Variants in NRXN1 observed in about 807,000 individuals in gnomAD.
NRXN1 encodes the protein neurexin 1.
NRXN1 carries 39 observed loss-of-function variants against 150.9 expected under a neutral mutation model. The ratio of observed to expected loss-of-function variants is 0.26; its 90% CI spans 0.20 to 0.34. The LOEUF is 0.34. Among genes scored for constraint, NRXN1 ranks in the 10% least tolerant of loss-of-function variants. The probability of loss-of-function intolerance (pLI) is 1.00; values close to 1 mark genes in which losing one functional copy is unlikely to be tolerated. For missense variants in NRXN1, 1,815 were observed against 1,949.9 expected, an observed-to-expected ratio of 0.93 and a Z score of 1.30; for synonymous variants, 924 against 757.0, an observed-to-expected ratio of 1.22 and a Z score of -3.62.
At chr2:50,167,000 G>A (rs966624329) in intron 18 of NRXN1, among the ~76,000 whole-genome samples, 17 of 152,272 alleles carry the variant, frequency 1.1e-4, no homozygotes, top group African/African-American at 3.6e-4. Context: ...TTTACTCATA[G>A]GCTGATGGCA....
At chr2:50,473,723 G>C (rs1235681622) in intron 15 of NRXN1, among the ~76,000 whole-genome samples, 2 of 151,952 alleles carry the variant, frequency 1.3e-5, no homozygotes, top group African/African-American at 4.8e-5. Flanking sequence ...CACGAGACTT[G>C]GGAACAAGGA....
intron 17 of NRXN1, among the ~76,000 whole-genome samples, chr2:50,323,973 G>T (rs1028082638): frequency 6.6e-6 from 1 of 152,170 alleles, no homozygotes; most frequent in Non-Finnish European, 1.5e-5. Context: ...TTTTGAGGTA[G>T]GTAGCAGATA....
At chr2:50,180,498 C>T (rs1273332748) in intron 18 of NRXN1, among the ~76,000 whole-genome samples, 1 of 152,042 alleles carries the variant, frequency 6.6e-6, no homozygotes, top group African/African-American at 2.4e-5. Flanking sequence ...GAGATGGTGT[C>T]TAATGGGAGG....
intron 5 of NRXN1, among the ~76,000 whole-genome samples, chr2:50,681,617 T>TA (rs1301793058): frequency 6.6e-6 from 1 of 152,206 alleles, no homozygotes; most frequent in East Asian, 1.9e-4. Flanking sequence ...TAATCTGAAG[T>TA]AATATTCTAG....
chr2:50,937,916 G>C (rs541244320), intron 2 of NRXN1, among the ~76,000 whole-genome samples: 30 of 152,216 alleles, frequency 2.0e-4, no homozygotes, highest in Middle Eastern at 3.4e-3. Flanking sequence ...AACCTGGATG[G>C]TATGGCCTAC....
chr2:50,641,243 T>G (rs1404601451), intron 5 of NRXN1, among the ~76,000 whole-genome samples: 3 of 152,184 alleles, frequency 2.0e-5, no homozygotes, highest in Non-Finnish European at 4.4e-5. Flanking sequence ...AAGGCTTTAA[T>G]ACATTTTTGC....
chr2:50,894,541 T>C (rs1329435819), intron 5 of NRXN1, among the ~76,000 whole-genome samples: 1 of 151,934 alleles, frequency 6.6e-6, no homozygotes, highest in Admixed American at 6.6e-5. Flanking sequence ...CACAAAGAAA[T>C]AGTTGAAATT....
chr2:50,055,138 T>A (rs1473880724), intron 19 of NRXN1, 94 bp from the exon 20 acceptor site: 8 of 781,918 alleles, frequency 1.0e-5, no homozygotes, highest in Non-Finnish European at 1.6e-5. Flanking sequence ...AGTTGCCACA[T>A]GATTTTTTGA....
At chr2:50,835,003 CAG>C (rs1671915755) in intron 5 of NRXN1, among the ~76,000 whole-genome samples, 1 of 152,116 alleles carries the variant, frequency 6.6e-6, no homozygotes, top group Non-Finnish European at 1.5e-5. Flanking sequence ...TCTTTCATAT[CAG>C]AAAGGCAAAG....
At chr2:50,773,746 A>C (rs1703279484) in intron 5 of NRXN1, among the ~76,000 whole-genome samples, 1 of 152,136 alleles carries the variant, frequency 6.6e-6, no homozygotes, top group South Asian at 2.1e-4. Flanking sequence ...AATGAAAGGG[A>C]AGGTTTCCAG....
intron 5 of NRXN1, among the ~76,000 whole-genome samples, chr2:50,830,646 T>G (rs1340757468): frequency 6.6e-6 from 1 of 151,342 alleles, no homozygotes; most frequent in African/African-American, 2.4e-5. Flanking sequence ...TTCCCTGTTC[T>G]GTCAGAACTT....
At chr2:50,313,710 T>C (rs1480869022) in intron 17 of NRXN1, among the ~76,000 whole-genome samples, 1 of 152,094 alleles carries the variant, frequency 6.6e-6, no homozygotes, top group Non-Finnish European at 1.5e-5. Flanking sequence ...AAAGCATAAA[T>C]GATGGGAATC....
At chr2:50,387,271 G>A (rs1428574166) in intron 17 of NRXN1, among the ~76,000 whole-genome samples, 1 of 152,116 alleles carries the variant, frequency 6.6e-6, no homozygotes, top group Non-Finnish European at 1.5e-5. Context: ...TCCTCACAAA[G>A]TTTAAAATAT....
At chr2:50,905,009 T>C (rs1683473312) in intron 5 of NRXN1, among the ~76,000 whole-genome samples, 1 of 152,146 alleles carries the variant, frequency 6.6e-6, no homozygotes, top group Admixed American at 6.6e-5. Context: ...TTATCTACTT[T>C]GTGATTTGTC....
intron 2 of NRXN1, among the ~76,000 whole-genome samples, chr2:50,972,947 A>G (rs1695249209): frequency 6.6e-6 from 1 of 152,240 alleles, no homozygotes; most frequent in African/African-American, 2.4e-5. Context: ...CCCCTGTGCA[A>G]GGCACAAAGT....
At chr2:49,945,966 G>C (rs1387432314) in intron 21 of NRXN1, among the ~76,000 whole-genome samples, 3 of 152,186 alleles carry the variant, frequency 2.0e-5, no homozygotes, top group African/African-American at 4.8e-5. Context: ...TCACCACACT[G>C]TCTTCCACAA....
At chr2:50,345,264 G>C (rs1274567764) in intron 17 of NRXN1, among the ~76,000 whole-genome samples, 1 of 152,156 alleles carries the variant, frequency 6.6e-6, no homozygotes, top group Non-Finnish European at 1.5e-5. Flanking sequence ...AAGAGGGCTT[G>C]CTAGGGGACT....
chr2:50,529,188 G>T lies in NRXN1; in HGVS notation c.2348-537C>A, dbSNP rs534706327. Among the ~76,000 whole-genome samples, 5 of 152,228 alleles carry T rather than the reference G, an allele frequency of 3.3e-5. No individual in the cohort carries two copies. The South Asian group carries it at 1.0e-3, about 32-fold the overall frequency. On this transcript the variant is annotated intron_variant, in intron 11 of 22. Transcript: ENST00000401669. ...TTTGTTTTTAAATTTTATTTGCTTG[G>T]GCATAAAAAGGTAACTGCCAGATGT... is the stretch of plus-strand genomic sequence containing the variant.
chr2:50,241,769 T>C (rs935579795), intron 17 of NRXN1, among the ~76,000 whole-genome samples: 4 of 151,806 alleles, frequency 2.6e-5, no homozygotes, highest in African/African-American at 9.7e-5. Context: ...TATTTACATA[T>C]AGGGCTCTCT....
Sources: allele counts gnomAD v4.1 joint callset (sites outside exome capture counted in the v4.1 genomes callset), GRCh38; gene constraint gnomAD v4.1.1; transcripts MANE v1.5; gene names NCBI Gene and HGNC (gene_info 2026-07-23, HGNC 2026-07-21).